RAD51B: variants seen among roughly 807,000 people sequenced by gnomAD.
The protein encoded by RAD51B is RAD51 paralog B.
A neutral mutation model predicts 42.2 loss-of-function variants in RAD51B; 38 were observed. The observed-to-expected ratio is 0.90, with a 90% CI of 0.70 to 1.18. The LOEUF (loss-of-function observed/expected upper bound fraction) is 1.18, where lower values mean the gene tolerates loss of function less well. RAD51B is among the 50% of genes most tolerant of loss of function. RAD51B has a pLI of 0.00. For missense variants in RAD51B, 373 were observed against 400.7 expected (o/e 0.93, Z 0.59); for synonymous variants, 154 against 145.2 (o/e 1.06, Z -0.43).
rs114886628 is a variant in RAD51B, at chr14:68,442,137, C to T, written c.958-26035C>T. On this transcript the variant is annotated intron_variant, in intron 9 of 10. Transcript: ENST00000471583. Reference sequence around the variant, plus strand: ...AAGTCTGAGATCCATGGCCAGTCAACAGCACGTAGTGTTAATATATTCTAT... The same window carrying T: ...AAGTCTGAGATCCATGGCCAGTCAATAGCACGTAGTGTTAATATATTCTAT... 6.3e-3 allele frequency among the ~76,000 whole-genome samples: 955 copies of T among 152,332 alleles called. 5 individuals carry two copies. Among genetic ancestry groups the T allele is most frequent in the African/African-American group, 0.022 (907 of 41,574 alleles).
intron 7 of RAD51B, among the ~76,000 whole-genome samples, chr14:68,023,186 C>T (rs1030833699): frequency 6.6e-6 from 1 of 152,160 alleles, no homozygotes; most frequent in Non-Finnish European, 1.5e-5. Context: ...AATGGGATTA[C>T]TGGGCCAATT....
At chr14:68,211,181 A>G (rs1031353170) in intron 7 of RAD51B, among the ~76,000 whole-genome samples, 1 of 152,202 alleles carries the variant, frequency 6.6e-6, no homozygotes, top group African/African-American at 2.4e-5. Flanking sequence ...AAAATCATTA[A>G]GTGGCCTAGC....
At chr14:68,523,515 A>G (rs1200967886) in intron 10 of RAD51B, among the ~76,000 whole-genome samples, 1 of 152,194 alleles carries the variant, frequency 6.6e-6, no homozygotes, top group East Asian at 1.9e-4. Context: ...GACAGCCAGC[A>G]CCAAAGAGCC....
chr14:68,301,698 G>T (rs368149695), intron 8 of RAD51B, among the ~76,000 whole-genome samples: 4 of 146,430 alleles, frequency 2.7e-5, no homozygotes, highest in Non-Finnish European at 5.9e-5. Flanking sequence ...CCACACTCAA[G>T]CAATTCCCAT....
intron 10 of RAD51B, among the ~76,000 whole-genome samples, chr14:68,643,186 C>G (rs10873215): frequency 0.2 from 29,815 of 151,132 alleles, 3,076 homozygotes; most frequent in South Asian, 0.24. Context: ...TTTGGACACT[C>G]TGTTGTTAGG....
At chr14:67,981,262 G>A (rs1201229570) in intron 7 of RAD51B, among the ~76,000 whole-genome samples, 2 of 152,244 alleles carry the variant, frequency 1.3e-5, no homozygotes, top group South Asian at 2.1e-4. Context: ...CAATTATTAT[G>A]TGTCAACTAA....
At chr14:67,956,156 T>G (rs905941447) in intron 7 of RAD51B, among the ~76,000 whole-genome samples, 7 of 152,232 alleles carry the variant, frequency 4.6e-5, no homozygotes, top group Non-Finnish European at 1.0e-4. Flanking sequence ...CTTTAAATTT[T>G]AAGAGTCAGT....
chr14:68,610,617 C>A (rs1566954412), intron 10 of RAD51B, among the ~76,000 whole-genome samples: 1 of 152,334 alleles, frequency 6.6e-6, no homozygotes, highest in East Asian at 1.9e-4. Flanking sequence ...GCTGCTCACT[C>A]CCAGAACTGA....
At chr14:68,204,063 T>G (rs987701066) in intron 7 of RAD51B, among the ~76,000 whole-genome samples, 2 of 152,240 alleles carry the variant, frequency 1.3e-5, no homozygotes, top group Non-Finnish European at 2.9e-5. Context: ...CACTTCTAAT[T>G]TCCTTCATGA....
At chr14:67,952,987 C>T (rs1157774530) in intron 7 of RAD51B, among the ~76,000 whole-genome samples, 1 of 151,812 alleles carries the variant, frequency 6.6e-6, no homozygotes, top group African/African-American at 2.4e-5. Context: ...TTTTGTGAGA[C>T]TTACATATAT....
At chr14:68,015,242 A>C in intron 7 of RAD51B, among the ~76,000 whole-genome samples, 1 of 152,226 alleles carries the variant, frequency 6.6e-6, no homozygotes, top group East Asian at 1.9e-4. Flanking sequence ...CCTATTCATT[A>C]AATCATTCTT....
chr14:68,092,603 C>A lies in RAD51B; in HGVS notation c.757-199281C>A, dbSNP rs541747482. 2.6e-4 allele frequency among the ~76,000 whole-genome samples: 40 copies of A among 152,150 alleles called. 1 individual carries two copies. The South Asian group carries it at 7.5e-3, about 28-fold the overall frequency. On this transcript the variant is annotated intron_variant, in intron 7 of 10. Transcript: ENST00000471583. The stretch of plus-strand genomic sequence containing the variant: ...ATCAGCTTAAGGAGATTTTGGGTTG[C>A]GACGATGGGGTTTTCTAGATATACA...
intron 4 of RAD51B, among the ~76,000 whole-genome samples, chr14:67,835,574 T>G (rs1331871822): frequency 1.5e-5 from 2 of 135,474 alleles, no homozygotes; most frequent in Non-Finnish European, 3.4e-5. Context: ...TATACACATA[T>G]GTCATATATG....
chr14:67,947,867 G>C (rs1212379777), intron 7 of RAD51B, among the ~76,000 whole-genome samples: 1 of 152,152 alleles, frequency 6.6e-6, no homozygotes, highest in East Asian at 1.9e-4. Context: ...TTTTCAATTA[G>C]ATATTTAAGA....
intron 10 of RAD51B, among the ~76,000 whole-genome samples, chr14:68,500,048 G>T (rs1884810302): frequency 1.3e-5 from 2 of 152,276 alleles, no homozygotes; most frequent in Non-Finnish European, 2.9e-5. Flanking sequence ...GGGGTCTGAG[G>T]TGAACTTTCC....
intron 4 of RAD51B, among the ~76,000 whole-genome samples, chr14:67,851,130 T>C (rs573713571): frequency 5.9e-5 from 9 of 152,190 alleles, no homozygotes; most frequent in African/African-American, 1.9e-4. Context: ...TGGTGTTGGC[T>C]GGTTGCGTCG....
intron 4 of RAD51B, chr14:67,843,449 A>C (rs1459681356): frequency 6.6e-6 from 1 of 152,066 alleles, no homozygotes; most frequent in Non-Finnish European, 1.5e-5. Flanking sequence ...TTCTTTGTAC[A>C]TCTGGTAGAA....
intron 7 of RAD51B, among the ~76,000 whole-genome samples, chr14:68,070,403 T>C (rs898328912): frequency 6.6e-6 from 1 of 152,204 alleles, no homozygotes; most frequent in Admixed American, 6.5e-5. Flanking sequence ...AGGGTCTTTA[T>C]ACTTTTAGGT....
At chr14:68,454,678 A>T (rs1594861915) in intron 9 of RAD51B, among the ~76,000 whole-genome samples, 1 of 152,240 alleles carries the variant, frequency 6.6e-6, no homozygotes, top group East Asian at 1.9e-4. Flanking sequence ...CTCCATTCTC[A>T]GGGCTTGTCT....
Sources: allele counts gnomAD v4.1 joint callset (sites outside exome capture counted in the v4.1 genomes callset), GRCh38; gene constraint gnomAD v4.1.1; transcripts MANE v1.5; gene names NCBI Gene and HGNC (gene_info 2026-07-23, HGNC 2026-07-21).